MPC1: variants seen among roughly 807,000 people sequenced by gnomAD.
MPC1 encodes HSPC040 protein.
MPC1 carries 6 observed loss-of-function variants against 13.9 expected under a neutral mutation model. That is an observed-to-expected ratio of 0.43 (90% confidence interval 0.24 to 0.85). The LOEUF (loss-of-function observed/expected upper bound fraction) is 0.85, where lower values mean the gene tolerates loss of function less well. MPC1 is among the 40% of genes least tolerant of loss of function. The pLI is 0.24. For missense variants in MPC1, 115 were observed against 143.3 expected (o/e 0.80, Z 1.01); for synonymous variants, 47 against 50.5 (o/e 0.93, Z 0.29).
intron 1 of MPC1, chr6:166,370,428 C>T (rs2114954839): frequency 1.9e-6 from 1 of 529,600 alleles, no homozygotes; most frequent in South Asian, 2.7e-5. Flanking sequence ...ACTTTGACTT[C>T]ATGAAATTAG....
intron 1 of MPC1, among the ~76,000 whole-genome samples, chr6:166,375,930 G>A (rs1041550449): frequency 3.3e-5 from 5 of 152,150 alleles, no homozygotes; most frequent in Admixed American, 3.3e-4. Context: ...GTTAAATTAT[G>A]TCCGTACTGA....
intron 1 of MPC1, among the ~76,000 whole-genome samples, chr6:166,371,760 A>G (rs1401117799): frequency 6.6e-6 from 1 of 152,184 alleles, no homozygotes; most frequent in African/African-American, 2.4e-5. Flanking sequence ...CTATACATAC[A>G]TACCTATGAT....
intron 1 of MPC1, among the ~76,000 whole-genome samples, chr6:166,370,996 G>T (rs1779359690): frequency 6.6e-6 from 1 of 152,052 alleles, no homozygotes; most frequent in African/African-American, 2.4e-5. Context: ...ACAATTATTT[G>T]GACTCTAGTG....
chr6:166,376,520 C>T (rs922043939), intron 1 of MPC1, among the ~76,000 whole-genome samples: 3 of 152,208 alleles, frequency 2.0e-5, no homozygotes, highest in African/African-American at 7.2e-5. Flanking sequence ...TGCCCACTTA[C>T]ACGGGTGAGG....
At chr6:166,371,783 A>C (rs1779390208) in intron 1 of MPC1, among the ~76,000 whole-genome samples, 1 of 152,204 alleles carries the variant, frequency 6.6e-6, no homozygotes, top group African/African-American at 2.4e-5. Context: ...TGTTTAATTT[A>C]TAAATTAGGC....
At chr6:166,373,357 G>A (rs898262232) in intron 1 of MPC1, among the ~76,000 whole-genome samples, 9 of 152,188 alleles carry the variant, frequency 5.9e-5, no homozygotes, top group Non-Finnish European at 8.8e-5. Flanking sequence ...TTTCCAGAAC[G>A]TTGTGTAGTT....
chr6:166,376,100 C>T (rs1027742773), intron 1 of MPC1, among the ~76,000 whole-genome samples: 1 of 152,160 alleles, frequency 6.6e-6, no homozygotes, highest in South Asian at 2.1e-4. Context: ...TATTAAGGCT[C>T]TCCAGAGAGA....
chr6:166,367,621 A>G (rs1779211622), intron 2 of MPC1, among the ~76,000 whole-genome samples: 1 of 152,226 alleles, frequency 6.6e-6, no homozygotes, highest in Admixed American at 6.5e-5. Context: ...AGCAGCCACA[A>G]TCAATTTAAT....
chr6:166,381,275 CT>C (rs1779771302), intron 1 of MPC1, among the ~76,000 whole-genome samples: 1 of 152,144 alleles, frequency 6.6e-6, no homozygotes, highest in African/African-American at 2.4e-5. Flanking sequence ...ATAGAAATGT[CT>C]TTTTTTGAAA....
At chr6:166,376,101 T>A (rs1034672924) in intron 1 of MPC1, among the ~76,000 whole-genome samples, 12 of 152,178 alleles carry the variant, frequency 7.9e-5, no homozygotes, top group Non-Finnish European at 1.8e-4. Flanking sequence ...ATTAAGGCTC[T>A]CCAGAGAGAC....
intron 1 of MPC1, among the ~76,000 whole-genome samples, chr6:166,374,179 G>T (rs112803870): frequency 3.8e-4 from 58 of 152,190 alleles, no homozygotes; most frequent in African/African-American, 6.5e-4. Flanking sequence ...AGAGAATTAG[G>T]TAGAGGTTTC....
At chr6:166,373,809 T>C (rs1779471018) in intron 1 of MPC1, among the ~76,000 whole-genome samples, 1 of 152,240 alleles carries the variant, frequency 6.6e-6, no homozygotes, top group African/African-American at 2.4e-5. Flanking sequence ...TGGTATCTTG[T>C]TTTAATTTGC....
At position 166,365,349 on chromosome 6, in the gene MPC1, G is replaced by A; in HGVS notation, c.*80C>T. On this transcript the variant is annotated 3_prime_UTR_variant, in exon 5 of 5. Transcript: ENST00000360961. This position sits in a 1 kb window ranked among gnomAD's most constrained non-coding sequence, Gnocchi z 4.2. ...GCATTCAGTGTATTTTCCTTAGGGA[G>A]GCTATTTATAATGAAATCTGTGACT... 8.2e-7 allele frequency: 1 copy of A among 1,219,100 alleles called. No individual in the cohort carries two copies. The highest frequency in any genetic ancestry group is 1.1e-6 in the Non-Finnish European group (1 of 905,656). The allele number at this position is 1,219,100 out of a possible 1,614,324, so 75.5% of individuals were successfully genotyped here.
At chr6:166,382,496 A>AGT (rs1779833976) in intron 1 of MPC1, among the ~76,000 whole-genome samples, 1 of 134,722 alleles carries the variant, frequency 7.4e-6, no homozygotes, top group Non-Finnish European at 1.6e-5. Flanking sequence ...CGCCCTGAGG[A>AGT]GCGCCCACTG....
At chr6:166,378,819 T>C (rs1438144887) in intron 1 of MPC1, among the ~76,000 whole-genome samples, 1 of 152,132 alleles carries the variant, frequency 6.6e-6, no homozygotes, top group Non-Finnish European at 1.5e-5. Context: ...CAATATTAGT[T>C]ACAATAAAAA....
At chr6:166,382,655 C>T in intron 1 of MPC1, 151 bp downstream of exon 1, 1 of 764,494 alleles carries the variant, frequency 1.3e-6, no homozygotes, top group Non-Finnish European at 1.9e-6. Flanking sequence ...GGTGGGGCCC[C>T]CCTGACAAGC....
intron 1 of MPC1, among the ~76,000 whole-genome samples, chr6:166,377,906 G>A (rs1583071069): frequency 6.6e-6 from 1 of 152,184 alleles, no homozygotes. Context: ...TCCAAGGACC[G>A]GGTGTGAAAA....
chr6:166,371,208 C>A (rs1459087202), intron 1 of MPC1, among the ~76,000 whole-genome samples: 1 of 152,224 alleles, frequency 6.6e-6, no homozygotes, highest in Non-Finnish European at 1.5e-5. Context: ...TAACACATTG[C>A]ACCAGAATGT....
chr6:166,378,492 C>T (rs185443999), intron 1 of MPC1, among the ~76,000 whole-genome samples: 8 of 151,994 alleles, frequency 5.3e-5, no homozygotes, highest in East Asian at 3.9e-4. Flanking sequence ...AGGAATAAGT[C>T]GCTAGAATAA....
Sources: gnomAD v4.1 joint callset for allele counts (sites outside exome capture counted in the v4.1 genomes callset) on GRCh38, gnomAD v4.1.1 for gene constraint, Gnocchi (gnomAD v3.1) non-coding constraint, MANE v1.5 for transcripts, NCBI Gene and HGNC (gene_info 2026-07-23, HGNC 2026-07-21) for gene names.